Variants in LAMA1 observed in about 807,000 individuals in gnomAD.
LAMA1 encodes the protein laminin subunit alpha-1.
LAMA1 carries 219 observed loss-of-function variants against 348.7 expected under a neutral mutation model. The observed-to-expected ratio is 0.63, with a 90% CI of 0.56 to 0.70. The LOEUF is 0.70. LAMA1 is among the 30% of genes least tolerant of loss of function. LAMA1 has a pLI of 0.00. For missense variants in LAMA1, 3,744 were observed against 3,888.0 expected (o/e 0.96, Z 0.99); for synonymous variants, 1,487 against 1,491.0 (o/e 1.00, Z 0.06).
intron 1 of LAMA1, among the ~76,000 whole-genome samples, chr18:7,113,004 G>A (rs1017496672): frequency 8.5e-5 from 13 of 152,176 alleles, no homozygotes; most frequent in Admixed American, 6.5e-4. Context: ...TCAACAACAA[G>A]AAGTGGCTAC....
intron 1 of LAMA1, among the ~76,000 whole-genome samples, chr18:7,097,917 C>T (rs2058269143): frequency 1.3e-5 from 2 of 151,204 alleles, no homozygotes; most frequent in African/African-American, 4.8e-5. Context: ...TGAGCCGAAG[C>T]TGGACTGCAC....
rs758818127 is a variant in LAMA1 at position 7,117,673 on chromosome 18, C to T, written c.48G>A (p.Gln16=). The change falls in exon 1 of 63, where the codon CAG becomes CAA. Residue 16 remains glutamine (Q), a synonymous_variant. Transcript: ENST00000389658. ...LLVLLLCVAA[Q]CRQRGLFPAI... ...GGCCGGGCTCACCTCTCTGCCGGCA[C>T]TGCGCGGCGACACACAGCAGCAAGA... The T allele has an allele frequency of 3.8e-6, 6 of 1,598,628 alleles. No individual in the cohort carries two copies. The highest frequency in any genetic ancestry group is 1.1e-5 in the South Asian group (1 of 90,888).
Position 7,023,381 on chromosome 18 carries a change from T to C in LAMA1, c.2490-6A>G. On this transcript the variant is annotated splice_region_variant and splice_polypyrimidine_tract_variant and intron_variant, in intron 18 of 62. Transcript: ENST00000389658. Reference sequence around the variant, plus strand: ...CATAGTAACCATCTGCACATCTGTATCAAAGATTGAAAGTGGGATCAGACA... The same window carrying C: ...CATAGTAACCATCTGCACATCTGTACCAAAGATTGAAAGTGGGATCAGACA... 6.2e-7 allele frequency: 1 copy of C among 1,613,096 alleles called. No homozygotes were observed. Among genetic ancestry groups the C allele is most frequent in the Non-Finnish European group, 8.5e-7 (1 of 1,179,088 alleles).
intron 42 of LAMA1, 73 bp downstream of exon 42, chr18:6,980,448 C>A (rs2057706013): frequency 1.9e-6 from 2 of 1,052,926 alleles, no homozygotes; most frequent in Non-Finnish European, 3.0e-6. Flanking sequence ...TGAGGCAGGA[C>A]TTCCTTATGT....
rs142624066 is a variant in LAMA1, at chr18:7,024,549, C to T, written c.2403-83G>A. ...TATTTAAAATGCTTCATTTCTACTA[C>T]TCCTGTGCTTCCAGACCTTCAATGA... On this transcript the variant is annotated intron_variant, in intron 17 of 62. Transcript: ENST00000389658. 470 of 1,122,972 alleles carry T rather than the reference C, an allele frequency of 4.2e-4. 1 individual carries two copies. In the African/African-American group the frequency reaches 5.8e-3, roughly 14 times the overall value. The allele number at this position is 1,122,972 out of a possible 1,614,324, so 69.6% of individuals were successfully genotyped here. A position where few individuals can be genotyped will look rare whatever the true frequency, so the allele number is the denominator to read the frequency against.
At chr18:7,049,017 G>C (rs769117337) in intron 5 of LAMA1, 61 bp downstream of exon 5, 1 of 1,497,468 alleles carries the variant, frequency 6.7e-7, no homozygotes, top group Non-Finnish European at 9.2e-7. Flanking sequence ...AAAAATAATA[G>C]TTCCTTTAAA....
chr18:7,112,845 GTC>G (rs1215065532), intron 1 of LAMA1, among the ~76,000 whole-genome samples: 8 of 152,050 alleles, frequency 5.3e-5, no homozygotes, highest in Non-Finnish European at 8.8e-5. Context: ...ATGTTGGTCA[GTC>G]TGGTCTTGAA....
At chr18:6,979,298 C>A (rs1057070227) in intron 42 of LAMA1, among the ~76,000 whole-genome samples, 1 of 152,180 alleles carries the variant, frequency 6.6e-6, no homozygotes, top group Non-Finnish European at 1.5e-5. Context: ...TCCATGCTTA[C>A]AAACAGGACT....
intron 22 of LAMA1, among the ~76,000 whole-genome samples, chr18:7,014,574 AGGATACAG>A (rs2057877381): frequency 2.5e-5 from 1 of 40,020 alleles, no homozygotes; most frequent in African/African-American, 7.6e-5. Flanking sequence ...GTGAGCTTTG[AGGATACAG>A]TGAGCTTTGA....
In LAMA1 at chr18:6,980,438, T is replaced by C. The variant is rs1055963643; in HGVS notation, c.6007+83A>G. On this transcript the variant is annotated intron_variant, in intron 42 of 62. Transcript: ENST00000389658. ...TTTGAGCTAAAGCCTTTATCAGTCT[T>C]GAGGCAGGACTTCCTTATGTTCCTG... 3 of 966,618 alleles carry C rather than the reference T, an allele frequency of 3.1e-6. No individual in the cohort carries two copies. In the African/African-American group the frequency reaches 4.8e-5, roughly 15 times the overall value. The allele number at this position is 966,618 out of a possible 1,614,324, so 59.9% of individuals were successfully genotyped here.
chr18:7,035,577 G>A (rs549670751), intron 13 of LAMA1, among the ~76,000 whole-genome samples: 7 of 151,970 alleles, frequency 4.6e-5, no homozygotes, highest in East Asian at 1.9e-4. Context: ...CACGTGCCAC[G>A]GTGCCTGGCT....
At chr18:7,047,375 AT>A (rs1307262039) in intron 5 of LAMA1, among the ~76,000 whole-genome samples, 1 of 152,150 alleles carries the variant, frequency 6.6e-6, no homozygotes, top group Non-Finnish European at 1.5e-5. Flanking sequence ...GTTGAGCATT[AT>A]TGAACAAGAC....
In LAMA1 at chr18:6,993,672, T is replaced by C; in HGVS notation, c.4977A>G (p.Ile1659Met). ...RIFKESQDLA[I>M]AIERLQMSIT... ...TGCTCATCTGCAGCCTCTCAATGGC[T>C]ATGGCCAGGTCTTGACTCTCCTTGA... The change falls in exon 35 of 63, where the codon ATA becomes ATG. Residue 1659 changes from isoleucine (I) to methionine (M), a missense_variant. Ile to Met is a conservative substitution (Grantham distance 10). Coordinates refer to ENST00000389658, the MANE Select transcript of LAMA1 (RefSeq NM_005559.4). The C allele has an allele frequency of 3.7e-6, 6 of 1,614,000 alleles. No homozygotes were observed. Among genetic ancestry groups the C allele is most frequent in the Non-Finnish European group, 5.1e-6 (6 of 1,179,862 alleles).
chr18:6,975,130 C>G, intron 45 of LAMA1, 94 bp from the exon 46 acceptor site: 1 of 1,407,098 alleles, frequency 7.1e-7, no homozygotes, highest in African/African-American at 1.5e-5. Context: ...ACGGGGTTTT[C>G]TCTTTTCTTA....
rs1000298760 is a variant in LAMA1, at chr18:6,993,648, G to A, written c.5001C>T (p.Ser1667=). The stretch of plus-strand genomic sequence containing the variant: ...AGACACTGCCCACACTACCTGTGAT[G>A]CTCATCTGCAGCCTCTCAATGGCTA... The part of the protein sequence containing the change: ...LAIAIERLQM[S]ITEIMEKTTL... The change falls in exon 35 of 63, where the codon AGC becomes AGT. Residue 1667 remains serine, a synonymous_variant. Transcript: ENST00000389658. The A allele has an allele frequency of 9.3e-6, 15 of 1,608,652 alleles. No homozygotes were observed. Among genetic ancestry groups the A allele is most frequent in the East Asian group, 4.5e-5 (2 of 44,860 alleles).
At chr18:7,090,464 C>A (rs1320613125) in intron 1 of LAMA1, among the ~76,000 whole-genome samples, 2 of 151,964 alleles carry the variant, frequency 1.3e-5, no homozygotes, top group Non-Finnish European at 2.9e-5. Flanking sequence ...CAGCTTGATG[C>A]AGAAACACTA....
At chr18:7,029,709 G>A (rs2144155508) in intron 16 of LAMA1, among the ~76,000 whole-genome samples, 1 of 152,166 alleles carries the variant, frequency 6.6e-6, no homozygotes, top group East Asian at 1.9e-4. Context: ...AAGACATGAG[G>A]GCCCAAGACA....
chr18:7,057,090 T>A lies in LAMA1; in HGVS notation c.346-6154A>T, dbSNP rs534597231. Among the ~76,000 whole-genome samples, 10 of 152,234 alleles carry A rather than the reference T, an allele frequency of 6.6e-5. No homozygotes were observed. In the South Asian group the frequency reaches 2.1e-3, roughly 32 times the overall value. ...TTTTACCATATTGGCCAGGCTGGTCTGAAACTCCTGACCTCAAATGATCCA... is the reference window on the plus strand; with the variant it reads ...TTTTACCATATTGGCCAGGCTGGTCAGAAACTCCTGACCTCAAATGATCCA... On this transcript the variant is annotated intron_variant, in intron 3 of 62. Transcript: ENST00000389658.
At chr18:6,948,757 A>G (rs548429731) in intron 59 of LAMA1, among the ~76,000 whole-genome samples, 99 of 152,364 alleles carry the variant, frequency 6.5e-4, no homozygotes, top group African/African-American at 2.3e-3. Flanking sequence ...CTAATAATGC[A>G]GTGGAAGTGT....
Sources: gnomAD v4.1 joint callset for allele counts (sites outside exome capture counted in the v4.1 genomes callset) on GRCh38, gnomAD v4.1.1 for gene constraint, MANE v1.5 for transcripts, NCBI Gene and HGNC (gene_info 2026-07-23, HGNC 2026-07-21) for gene names.